ARCN1: variants seen among roughly 807,000 people sequenced by gnomAD.
The protein encoded by ARCN1 is coatomer subunit delta.
Under a neutral mutation model 60.4 loss-of-function variants are expected in ARCN1, and 5 were observed. The observed-to-expected ratio is 0.08, with a 90% CI of 0.04 to 0.17. The LOEUF is 0.17. Among genes scored for constraint, ARCN1 ranks in the 10% least tolerant of loss-of-function variants. ARCN1 has a pLI of 1.00. For synonymous variants in ARCN1, 224 were observed against 220.0 expected (o/e 1.02, Z -0.16); for missense variants, 464 against 626.5 (o/e 0.74, Z 2.77).
chr11:118,597,965 C>G, intron 9 of ARCN1, 54 bp downstream of exon 9: 6 of 1,572,222 alleles, frequency 3.8e-6, no homozygotes, highest in Non-Finnish European at 5.2e-6. Context: ...ACAGTAGGAA[C>G]ACGTATAGGA....
chr11:118,583,804 T>C lies in ARCN1; in HGVS notation c.448-5T>C. On this transcript the variant is annotated splice_region_variant and splice_polypyrimidine_tract_variant and intron_variant, in intron 3 of 9. Coordinates refer to ENST00000264028, the MANE Select transcript of ARCN1 (RefSeq NM_001655.5). Reference sequence around the variant, plus strand: ...AGCTACATTAATGTATGTCTTTTTCTGTAGACTCAAGAACGTGAAGCTAAG... The same window carrying C: ...AGCTACATTAATGTATGTCTTTTTCCGTAGACTCAAGAACGTGAAGCTAAG... 3.1e-6 allele frequency: 5 copies of C among 1,612,978 alleles called. No individual in the cohort carries two copies. The highest frequency in any genetic ancestry group is 4.2e-6 in the Non-Finnish European group (5 of 1,179,696).
chr11:118,585,286 T>C (rs1339077471), intron 5 of ARCN1, among the ~76,000 whole-genome samples: 2 of 152,096 alleles, frequency 1.3e-5, no homozygotes, highest in African/African-American at 4.8e-5. Flanking sequence ...TAAACCATGA[T>C]TGGGGGCCCT....
intron 1 of ARCN1, among the ~76,000 whole-genome samples, chr11:118,578,131 C>T (rs1352773748): frequency 6.6e-6 from 1 of 151,568 alleles, no homozygotes; most frequent in African/African-American, 2.4e-5. Context: ...CACTGCACTC[C>T]AGCCTGGACT....
chr11:118,584,298 A>G (rs1555075139), intron 4 of ARCN1, among the ~76,000 whole-genome samples, 182 bp from the exon 5 acceptor site: 1 of 152,232 alleles, frequency 6.6e-6, no homozygotes, highest in Non-Finnish European at 1.5e-5. Flanking sequence ...TATGGAATGT[A>G]GATTTTTAAT....
At chr11:118,573,138 C>T (rs1408183509) in intron 1 of ARCN1, among the ~76,000 whole-genome samples, 2 of 152,162 alleles carry the variant, frequency 1.3e-5, no homozygotes, top group African/African-American at 4.8e-5. Flanking sequence ...TCTCTGAAAC[C>T]TTCCACTACT....
intron 1 of ARCN1, chr11:118,573,632 A>G (rs1449935372): frequency 2.9e-6 from 2 of 700,080 alleles, no homozygotes; most frequent in African/African-American, 3.5e-5. Flanking sequence ...AACTTGATTT[A>G]AAACATCGTC....
At chr11:118,578,319 A>G (rs1555074051) in intron 1 of ARCN1, among the ~76,000 whole-genome samples, 1 of 152,106 alleles carries the variant, frequency 6.6e-6, no homozygotes, top group Admixed American at 6.5e-5. Flanking sequence ...TTTTAACTCC[A>G]GTTGGAAACC....
intron 8 of ARCN1, among the ~76,000 whole-genome samples, chr11:118,597,015 T>C (rs1208279598): frequency 6.6e-6 from 1 of 152,186 alleles, no homozygotes; most frequent in Non-Finnish European, 1.5e-5. Context: ...GAGACCATCC[T>C]GGCCCGCATG....
chr11:118,576,436 A>C (rs868967886), intron 1 of ARCN1, among the ~76,000 whole-genome samples: 5 of 146,114 alleles, frequency 3.4e-5, no homozygotes, highest in Middle Eastern at 3.6e-3. Context: ...TAAAAAAAAA[A>C]AAAAAAAAAA....
At chr11:118,577,762 G>A (rs1423046659) in intron 1 of ARCN1, among the ~76,000 whole-genome samples, 1 of 152,184 alleles carries the variant, frequency 6.6e-6, no homozygotes, top group Non-Finnish European at 1.5e-5. Context: ...CATGTTGTAT[G>A]TATAGTAGAT....
chr11:118,588,940 C>G (rs1938834714), intron 5 of ARCN1, among the ~76,000 whole-genome samples: 1 of 151,238 alleles, frequency 6.6e-6, no homozygotes, highest in African/African-American at 2.4e-5. Flanking sequence ...ATCACTTGAA[C>G]CCGGGAGGCA....
Position 118,590,341 on chromosome 11 carries a change from T to C in ARCN1, c.819T>C (p.Ser273=). 1 of 1,610,692 alleles carries C rather than the reference T, an allele frequency of 6.2e-7. No individual in the cohort carries two copies. Among genetic ancestry groups the C allele is most frequent in the Non-Finnish European group, 8.5e-7 (1 of 1,177,342 alleles). ...KMHAPPINME[S]VHMKIEEKIT... ...CAAATGTATTACTTTCTCTTTATAG[T>C]GTACATATGAAGATTGAAGAAAAGA... is the stretch of plus-strand genomic sequence containing the variant. Residue 273 remains serine (S), a splice_region_variant and synonymous_variant, in exon 6 of 10, where the codon AGT becomes AGC. Transcript: ENST00000264028.
chr11:118,586,765 T>C (rs1361334303), intron 5 of ARCN1, among the ~76,000 whole-genome samples: 1 of 151,462 alleles, frequency 6.6e-6, no homozygotes, highest in Non-Finnish European at 1.5e-5. Context: ...GGCAGGAGAA[T>C]TGCTTGAACC....
Position 118,584,580 on chromosome 11 carries a change from T to C in ARCN1, c.754T>C (p.Ser252Pro). 4 of 1,613,872 alleles carry C rather than the reference T, an allele frequency of 2.5e-6. No individual in the cohort carries two copies. The South Asian group carries it at 4.4e-5, about 18-fold the overall frequency. ...ATCTGAAGGTGAAACCATCATGTCCTCTAGTATGGGCAAGCGTACTTCTGA... is the reference window on the plus strand; with the variant it reads ...ATCTGAAGGTGAAACCATCATGTCCCCTAGTATGGGCAAGCGTACTTCTGA... The part of the protein sequence containing the change: ...LKSEGETIMS[S>P]SMGKRTSEAT... The change falls in exon 5 of 10, where the codon TCT (serine) becomes CCT (proline). Residue 252 changes from serine (S) to proline (P), a missense_variant. Transcript: ENST00000264028.
Position 118,600,862 on chromosome 11 carries a change from G to T in ARCN1, c.*148G>T. The T allele has an allele frequency of 1.9e-6, 1 of 528,784 alleles. No homozygotes were observed. Among genetic ancestry groups the T allele is most frequent in the East Asian group, 3.5e-5 (1 of 28,252 alleles). The allele number at this position is 528,784 out of a possible 1,614,324, so 32.8% of individuals were successfully genotyped here. A position where few individuals can be genotyped will look rare whatever the true frequency, so the allele number is the denominator to read the frequency against. ...CGATTCTCTGCGCGCAAGGACCCTC[G>T]ACTCACCCCCATGTTTCAGTGTCAC... On this transcript the variant is annotated 3_prime_UTR_variant, in exon 10 of 10. Transcript: ENST00000264028.
chr11:118,597,528 T>G (rs1387681115), intron 8 of ARCN1, among the ~76,000 whole-genome samples, 179 bp from the exon 9 acceptor site: 1 of 151,492 alleles, frequency 6.6e-6, no homozygotes, highest in Non-Finnish European at 1.5e-5. Flanking sequence ...AGTGAAACTC[T>G]TAGCCCAAGG....
rs45598242 is a variant in ARCN1 at position 118,602,287 on chromosome 11, G to A, written c.*1573G>A. On this transcript the variant is annotated 3_prime_UTR_variant, in exon 10 of 10. Coordinates refer to ENST00000264028, the MANE Select transcript of ARCN1 (RefSeq NM_001655.5). ...CTTTTGAGTGTCATCATGTACTGGT[G>A]GTTTCTCGGTTCCATCTCATCCATT... 9.9e-3 allele frequency: 1,519 copies of A among 154,180 alleles called. 22 individuals are homozygous for A. Among genetic ancestry groups the A allele is most frequent in the Middle Eastern group, 0.024 (7 of 294 alleles). 9.6% of individuals were successfully genotyped at this position (154,180 alleles called of 1,614,324 possible).
chr11:118,579,307 G>A (rs1165192285), intron 1 of ARCN1, among the ~76,000 whole-genome samples: 4 of 152,018 alleles, frequency 2.6e-5, no homozygotes, highest in African/African-American at 9.7e-5. Flanking sequence ...CCAAATATAA[G>A]GGAATTCCCT....
In ARCN1 at chr11:118,584,404, T is replaced by TA. The variant is rs1438102278; in HGVS notation, c.654-75dup. 8.6e-6 allele frequency: 12 copies of TA among 1,392,552 alleles called. No homozygotes were observed. In the South Asian group the frequency reaches 1.3e-4, roughly 16 times the overall value. The allele number at this position is 1,392,552 out of a possible 1,614,324, so 86.3% of individuals were successfully genotyped here. The stretch of plus-strand genomic sequence containing the variant: ...CAGGTGTATTTCTCTGGACGGGAGA[T>TA]ACAAAATTTTCATCAGATCATGTGT... On this transcript the variant is annotated intron_variant, in intron 4 of 9. Coordinates refer to ENST00000264028, the MANE Select transcript of ARCN1 (RefSeq NM_001655.5).
Sources: gnomAD v4.1 joint callset for allele counts (sites outside exome capture counted in the v4.1 genomes callset) on GRCh38, gnomAD v4.1.1 for gene constraint, MANE v1.5 for transcripts, NCBI Gene and HGNC (gene_info 2026-07-23, HGNC 2026-07-21) for gene names.